SHOC2: variants seen among roughly 807,000 people sequenced by gnomAD.
SHOC2 encodes SHOC2 leucine rich repeat scaffold protein.
Under a neutral mutation model 50.2 loss-of-function variants are expected in SHOC2, and 4 were observed. The ratio of observed to expected loss-of-function variants is 0.08; its 90% CI spans 0.04 to 0.18. The LOEUF is 0.18. Among genes scored for constraint, SHOC2 ranks in the 10% least tolerant of loss-of-function variants. The pLI is 1.00. For missense variants in SHOC2, 388 were observed against 669.6 expected, an observed-to-expected ratio of 0.58 and a Z score of 4.64; for synonymous variants, 218 against 244.5, an observed-to-expected ratio of 0.89 and a Z score of 1.01.
rs201571661 is a variant in SHOC2, at chr10:110,972,837, G to GA, written c.703+7785dup. On this transcript the variant is annotated intron_variant, in intron 2 of 8. Transcript: ENST00000369452. Reference sequence around the variant, plus strand: ...GGGTGGCAGAGACCCTGTCTCAGGAGAAAAAAAAATGGAACACAGAAAAAT... The same window carrying GA: ...GGGTGGCAGAGACCCTGTCTCAGGAGAAAAAAAAAATGGAACACAGAAAAAT... Among the ~76,000 whole-genome samples the GA allele has an allele frequency of 1.8e-4, 27 of 150,676 alleles. No homozygotes were observed. In the South Asian group the frequency reaches 2.5e-3, roughly 14 times the overall value.
chr10:111,010,195 GAATT>G (rs2134181185), intron 8 of SHOC2, among the ~76,000 whole-genome samples: 1 of 152,090 alleles, frequency 6.6e-6, no homozygotes, highest in Admixed American at 6.6e-5. Flanking sequence ...TGAGATTTTA[GAATT>G]AATATTAATA....
At chr10:110,928,229 A>T (rs1846815029) in intron 1 of SHOC2, among the ~76,000 whole-genome samples, 2 of 152,152 alleles carry the variant, frequency 1.3e-5, no homozygotes, top group African/African-American at 2.4e-5. Flanking sequence ...AGGAAGGAGA[A>T]TCGCTTGAAC....
chr10:110,936,981 G>T (rs757959107), intron 1 of SHOC2: 4 of 1,455,918 alleles, frequency 2.7e-6, no homozygotes, highest in Non-Finnish European at 3.9e-6. Flanking sequence ...AGCATACTTC[G>T]CACAGTCAGC....
At chr10:110,970,621 T>C (rs1421559362) in intron 2 of SHOC2, among the ~76,000 whole-genome samples, 1 of 152,156 alleles carries the variant, frequency 6.6e-6, no homozygotes, top group African/African-American at 2.4e-5. Flanking sequence ...CTGTTTTCCA[T>C]AGTGGCTGTA....
At chr10:110,937,666 T>A (rs1267840888) in intron 1 of SHOC2, among the ~76,000 whole-genome samples, 1 of 152,228 alleles carries the variant, frequency 6.6e-6, no homozygotes, top group African/African-American at 2.4e-5. Context: ...AGAATTAAGA[T>A]AACTTTAAGG....
Position 110,931,202 on chromosome 10 carries a change from G to C in SHOC2, c.-235+11545G>C, listed in dbSNP as rs145486322. ...AAAAAGTTGAATGAATGAATTTGAAGATGCTATGAGTTGTGGACTCTTGAC... is the reference window on the plus strand; with the variant it reads ...AAAAAGTTGAATGAATGAATTTGAACATGCTATGAGTTGTGGACTCTTGAC... On this transcript the variant is annotated intron_variant, in intron 1 of 8. Coordinates refer to ENST00000369452, the MANE Select transcript of SHOC2 (RefSeq NM_007373.4). Among the ~76,000 whole-genome samples the C allele has an allele frequency of 1.1e-4, 16 of 152,244 alleles. No individual in the cohort carries two copies. The East Asian group carries it at 3.1e-3, about 29-fold the overall frequency.
At chr10:110,933,085 G>A (rs900491818) in intron 1 of SHOC2, among the ~76,000 whole-genome samples, 4 of 152,070 alleles carry the variant, frequency 2.6e-5, no homozygotes, top group Non-Finnish European at 4.4e-5. Context: ...TAGACTAAAT[G>A]ATCTCTGATT....
In SHOC2 at chr10:110,946,142, T is replaced by A. The variant is rs150485754; in HGVS notation, c.-234-17983T>A. On this transcript the variant is annotated intron_variant, in intron 1 of 8. Coordinates refer to ENST00000369452, the MANE Select transcript of SHOC2 (RefSeq NM_007373.4). ...ATAGTATAATCATGATATCACTCAG[T>A]GAAATCCTTGATATCTTATTATTGT... 9.9e-5 allele frequency among the ~76,000 whole-genome samples: 15 copies of A among 152,266 alleles called. No individual in the cohort carries two copies. The East Asian group carries it at 2.5e-3, about 26-fold the overall frequency.
chr10:110,970,729 GT>G (rs56760151), intron 2 of SHOC2, among the ~76,000 whole-genome samples: 123,846 of 136,262 alleles, frequency 0.91, 56,242 homozygotes, highest in Admixed American at 0.94. Context: ...TTGTGATGAT[GT>G]TTTTTTTTTT....
At chr10:110,971,751 T>C (rs1484701741) in intron 2 of SHOC2, among the ~76,000 whole-genome samples, 2 of 152,146 alleles carry the variant, frequency 1.3e-5, no homozygotes, top group Non-Finnish European at 2.9e-5. Flanking sequence ...ATAGAGCTTT[T>C]TCACCTCCTT....
At chr10:110,971,829 A>G (rs1847788321) in intron 2 of SHOC2, among the ~76,000 whole-genome samples, 1 of 152,088 alleles carries the variant, frequency 6.6e-6, no homozygotes. Context: ...ATTGAAAGCA[A>G]AATCAGTTTC....
In SHOC2 at chr10:110,964,345, A is replaced by G. The variant is rs1847630337; in HGVS notation, c.-14A>G. The stretch of plus-strand genomic sequence containing the variant: ...AAAGGAGTTCATGTAGTTTTTGTCC[A>G]GGCTTGAGTCACCATGAGTAGTAGT... On this transcript the variant is annotated 5_prime_UTR_variant, in exon 2 of 9. Transcript: ENST00000369452. The surrounding 1 kb of genome is among the most constrained non-coding windows in gnomAD (Gnocchi z 4.9). 1 of 1,612,162 alleles carries G rather than the reference A, an allele frequency of 6.2e-7. No individual in the cohort carries two copies. Among genetic ancestry groups the G allele is most frequent in the Non-Finnish European group, 8.5e-7 (1 of 1,179,138 alleles).
rs377515045 is a variant in SHOC2, at chr10:110,966,583, T to C, written c.703+1522T>C. Reference sequence around the variant, plus strand: ...TAATTCACAAGTCTCTAAGGACTTTTTCCATAGCAATGCTATCAAATTACC... The same window carrying C: ...TAATTCACAAGTCTCTAAGGACTTTCTCCATAGCAATGCTATCAAATTACC... On this transcript the variant is annotated intron_variant, in intron 2 of 8. Transcript: ENST00000369452. 3.2e-3 allele frequency among the ~76,000 whole-genome samples: 485 copies of C among 152,282 alleles called. 26 individuals are homozygous for C. The South Asian group carries it at 0.092, about 29-fold the overall frequency.
intron 1 of SHOC2, among the ~76,000 whole-genome samples, chr10:110,962,214 G>A (rs116884160): frequency 6.6e-4 from 100 of 152,050 alleles, no homozygotes; most frequent in South Asian, 1.9e-3. Context: ...TATATAGGAG[G>A]TGTCCTTCTA....
intron 1 of SHOC2, among the ~76,000 whole-genome samples, chr10:110,956,779 GAA>G (rs1258049295): frequency 6.6e-6 from 1 of 150,732 alleles, no homozygotes; most frequent in Admixed American, 6.6e-5. Flanking sequence ...AGAAATAAAA[GAA>G]AAAATAAATG....
intron 2 of SHOC2, among the ~76,000 whole-genome samples, chr10:110,972,726 A>G (rs934231355): frequency 1.3e-5 from 2 of 152,072 alleles, no homozygotes; most frequent in African/African-American, 4.8e-5. Context: ...AGTCCCAGCT[A>G]CTCATGAGGT....
intron 2 of SHOC2, among the ~76,000 whole-genome samples, chr10:110,980,488 G>A (rs1847955988): frequency 6.6e-6 from 1 of 152,126 alleles, no homozygotes; most frequent in Non-Finnish European, 1.5e-5. Context: ...CACTGCCATT[G>A]AGGTAGTATA....
At position 111,004,706 on chromosome 10, in the gene SHOC2, A is replaced by T; in HGVS notation, c.1073A>T (p.Tyr358Phe). The change falls in exon 5 of 9, where the codon TAT becomes TTT. Residue 358 changes from tyrosine (Y) to phenylalanine (F), a missense_variant. This residue lies in a region of SHOC2 where 48 missense variants were observed against 151.6 expected (regional missense o/e 0.32). Transcript: ENST00000369452. ...VGGPSQFSTI[Y>F]SLNMEHNRIN... ...GGTCCATCTCAGTTTTCTACCATCT[A>T]TTCCCTCAACATGGAACACAATCGA... is the stretch of plus-strand genomic sequence containing the variant. 1 of 1,613,294 alleles carries T rather than the reference A, an allele frequency of 6.2e-7. No homozygotes were observed. Among genetic ancestry groups the T allele is most frequent in the Non-Finnish European group, 8.5e-7 (1 of 1,179,278 alleles).
At chr10:110,967,546 A>T (rs1031216613) in intron 2 of SHOC2, among the ~76,000 whole-genome samples, 17 of 152,204 alleles carry the variant, frequency 1.1e-4, no homozygotes, top group African/African-American at 4.1e-4. Flanking sequence ...ATTCAGATTT[A>T]TGTAACCATC....
Sources: allele counts gnomAD v4.1 joint callset (sites outside exome capture counted in the v4.1 genomes callset), GRCh38; gene constraint gnomAD v4.1.1; regional missense constraint gnomAD v4.1.1; non-coding constraint Gnocchi (gnomAD v3.1); transcripts MANE v1.5; gene names NCBI Gene and HGNC (gene_info 2026-07-23, HGNC 2026-07-21).